Variants in ERC1 observed in about 807,000 individuals in gnomAD.
ERC1 encodes ELKS/RAB6-interacting/CAST family member 1.
Under a neutral mutation model 132.0 loss-of-function variants are expected in ERC1, and 56 were observed. The ratio of observed to expected loss-of-function variants is 0.42; its 90% CI spans 0.34 to 0.53. ERC1 has a LOEUF of 0.53. Among genes scored for constraint, ERC1 ranks in the 20% least tolerant of loss-of-function variants. The probability of loss-of-function intolerance (pLI) is 0.03; values close to 1 mark genes in which losing one functional copy is unlikely to be tolerated. For synonymous variants in ERC1, 478 were observed against 476.1 expected (o/e 1.00, Z -0.05); for missense variants, 1,202 against 1,349.9 (o/e 0.89, Z 1.72).
chr12:1,125,153 C>T (rs1400321127), intron 7 of ERC1, among the ~76,000 whole-genome samples: 1 of 151,972 alleles, frequency 6.6e-6, no homozygotes, highest in Non-Finnish European at 1.5e-5. Flanking sequence ...TGCCACCACG[C>T]CCAGCTAATT....
chr12:1,421,987 T>C (rs1334456112), intron 17 of ERC1, among the ~76,000 whole-genome samples: 7 of 152,100 alleles, frequency 4.6e-5, no homozygotes, highest in Non-Finnish European at 8.8e-5. Flanking sequence ...GATCATGCCA[T>C]TGCACTCCAG....
intron 3 of ERC1, among the ~76,000 whole-genome samples, chr12:1,104,278 G>A (rs1444765714): frequency 1.3e-5 from 2 of 152,178 alleles, no homozygotes; most frequent in East Asian, 1.9e-4. Context: ...TTATTCTGGG[G>A]GTGGATGCCG....
At chr12:1,261,476 T>A (rs1023149986) in intron 13 of ERC1, among the ~76,000 whole-genome samples, 1 of 152,206 alleles carries the variant, frequency 6.6e-6, no homozygotes, top group Non-Finnish European at 1.5e-5. Flanking sequence ...ATTGCATCCA[T>A]CTCTTAGTTC....
chr12:1,055,902 T>C (rs73033143), intron 2 of ERC1, among the ~76,000 whole-genome samples: 6,112 of 152,168 alleles, frequency 0.04, 211 homozygotes, highest in African/African-American at 0.088. Context: ...CCCAGCACTT[T>C]GGGAGGCCCA....
intron 18 of ERC1, among the ~76,000 whole-genome samples, chr12:1,463,180 C>T (rs1310715570): frequency 6.6e-6 from 1 of 152,112 alleles, no homozygotes; most frequent in Non-Finnish European, 1.5e-5. Context: ...TAACTTGCAC[C>T]CCTCTTTTTC....
intron 15 of ERC1, among the ~76,000 whole-genome samples, chr12:1,354,138 G>A (rs187570160): frequency 2.7e-4 from 41 of 151,680 alleles, no homozygotes; most frequent in Non-Finnish European, 4.6e-4. Flanking sequence ...TCATTCCCAC[G>A]TAGTCTTTAA....
chr12:1,393,761 C>A (rs1387673691), intron 16 of ERC1, among the ~76,000 whole-genome samples: 1 of 151,788 alleles, frequency 6.6e-6, no homozygotes, highest in Non-Finnish European at 1.5e-5. Context: ...GGCATGGTGG[C>A]TCATGCCTGT....
intron 16 of ERC1, among the ~76,000 whole-genome samples, chr12:1,398,652 G>A (rs2090745339): frequency 6.6e-6 from 1 of 152,170 alleles, no homozygotes; most frequent in Non-Finnish European, 1.5e-5. Flanking sequence ...TGTATGGTAT[G>A]CTGCTATAAC....
In ERC1 at chr12:1,182,928, A is replaced by C. The variant is rs1490002046; in HGVS notation, c.2017-353A>C. Among the ~76,000 whole-genome samples the C allele has an allele frequency of 3.3e-5, 5 of 152,256 alleles. No homozygotes were observed. The East Asian group carries it at 9.7e-4, about 29-fold the overall frequency. ...GTGATCCCCCTGTCTCAGCCTCCCAAAATGCTGGGTTTACAGGTATCTGGC... is the reference window on the plus strand; with the variant it reads ...GTGATCCCCCTGTCTCAGCCTCCCACAATGCTGGGTTTACAGGTATCTGGC... On this transcript the variant is annotated intron_variant, in intron 10 of 18. Transcript: ENST00000360905.
rs1942512782 is a variant in ERC1 at position 1,083,437 on chromosome 12, A to C, written c.943A>C (p.Met315Leu). The change falls in exon 3 of 19, where the codon ATG becomes CTG. Residue 315 changes from methionine to leucine, a missense_variant. Transcript: ENST00000360905. The stretch of plus-strand genomic sequence containing the variant: ...TGAATCCATTAAGAAGCTTCTGGAA[A>C]TGTTGCAGAGCAAAGGACTTTCTGC... Reference protein sequence around the residue: ...RDESIKKLLEMLQSKGLSAKA... With the variant: ...RDESIKKLLELLQSKGLSAKA... 5.0e-6 allele frequency: 8 copies of C among 1,614,212 alleles called. No individual in the cohort carries two copies. In the East Asian group the frequency reaches 1.8e-4, roughly 36 times the overall value.
At chr12:1,221,540 T>C (rs1471296618) in intron 12 of ERC1, among the ~76,000 whole-genome samples, 1 of 152,206 alleles carries the variant, frequency 6.6e-6, no homozygotes, top group Non-Finnish European at 1.5e-5. Context: ...CACTTTTACG[T>C]TCTGTATTGA....
chr12:1,373,240 A>G (rs1329115035), intron 16 of ERC1, among the ~76,000 whole-genome samples: 1 of 152,258 alleles, frequency 6.6e-6, no homozygotes, highest in African/African-American at 2.4e-5. Context: ...ATCAAAGCTG[A>G]TAATAGCAAA....
chr12:1,426,307 G>T (rs1043644848), intron 17 of ERC1, among the ~76,000 whole-genome samples: 2 of 152,022 alleles, frequency 1.3e-5, no homozygotes, highest in Non-Finnish European at 1.5e-5. Context: ...TTTTCACCGT[G>T]TTGGCCAGGC....
chr12:1,097,350 A>C (rs1944165204), intron 3 of ERC1, among the ~76,000 whole-genome samples: 1 of 152,216 alleles, frequency 6.6e-6, no homozygotes, highest in Non-Finnish European at 1.5e-5. Flanking sequence ...TTGGGGATTA[A>C]CTTGATCCTT....
intron 2 of ERC1, among the ~76,000 whole-genome samples, chr12:1,039,325 G>A (rs1251038915): frequency 7.0e-6 from 1 of 142,238 alleles, no homozygotes; most frequent in African/African-American, 2.6e-5. Flanking sequence ...GTGACAGAGC[G>A]AGACGTTGTC....
In ERC1 at chr12:1,422,279, A is replaced by G. The variant is rs568883144; in HGVS notation, c.3024+14032A>G. On this transcript the variant is annotated intron_variant, in intron 17 of 18. Transcript: ENST00000360905. ...GTTAGAAGCAAGATGGAGTCAGGTTAGATTTTTCTCACTTTTATAATTCTT... is the reference window on the plus strand; with the variant it reads ...GTTAGAAGCAAGATGGAGTCAGGTTGGATTTTTCTCACTTTTATAATTCTT... Among the ~76,000 whole-genome samples the G allele has an allele frequency of 2.0e-5, 3 of 152,368 alleles. No homozygotes were observed. In the South Asian group the frequency reaches 6.2e-4, roughly 32 times the overall value.
chr12:1,315,525 A>G (rs7967663), intron 15 of ERC1, among the ~76,000 whole-genome samples: 2,744 of 151,808 alleles, frequency 0.018, 85 homozygotes, highest in African/African-American at 0.064. Context: ...TAATTTTTGT[A>G]TTTTTAGTAG....
intron 6 of ERC1, among the ~76,000 whole-genome samples, chr12:1,114,452 G>A (rs558070541): frequency 6.6e-6 from 1 of 151,904 alleles, no homozygotes. Context: ...TTGACCACGT[G>A]ATTGGAGGTA....
In ERC1 at chr12:1,190,039, G is replaced by A; in HGVS notation, c.2338G>A (p.Ala780Thr). 1.9e-6 allele frequency: 3 copies of A among 1,613,336 alleles called. No individual in the cohort carries two copies. Among genetic ancestry groups the A allele is most frequent in the Non-Finnish European group, 2.5e-6 (3 of 1,179,526 alleles). ...NEKNDKDKKI[A>T]ELERQVKDQN... ...GAAGAATGACAAAGATAAGAAGATAGCTGAGTTGGAAAGGTAAGAAAGTGA... is the reference window on the plus strand; with the variant it reads ...GAAGAATGACAAAGATAAGAAGATAACTGAGTTGGAAAGGTAAGAAAGTGA... The change falls in exon 12 of 19, where the codon GCT (alanine) becomes ACT (threonine). Residue 780 changes from alanine (A) to threonine (T), a missense_variant. Transcript: ENST00000360905.
Sources: gnomAD v4.1 joint callset for allele counts (sites outside exome capture counted in the v4.1 genomes callset) on GRCh38, gnomAD v4.1.1 for gene constraint, MANE v1.5 for transcripts, NCBI Gene and HGNC (gene_info 2026-07-23, HGNC 2026-07-21) for gene names.